The following MAGI2 variants were observed in gnomAD, a reference collection of about 807,000 sequenced individuals.
The protein encoded by MAGI2 is membrane associated guanylate kinase, WW and PDZ domain containing 2.
In MAGI2, 35 loss-of-function variants were observed where a neutral mutation model predicts 133.3. The ratio of observed to expected loss-of-function variants is 0.26; its 90% CI spans 0.20 to 0.35. The LOEUF is 0.35. Ranked by LOEUF, MAGI2 falls within the 10% of genes least tolerant of loss-of-function variation. The pLI, the probability that MAGI2 is intolerant of heterozygous loss-of-function variation, is 1.00. For synonymous variants in MAGI2, 729 were observed against 710.6 expected (o/e 1.03, Z -0.41); for missense variants, 1,636 against 1,863.4 (o/e 0.88, Z 2.25).
chr7:79,396,737 G>A (rs1291665410), intron 1 of MAGI2, among the ~76,000 whole-genome samples: 1 of 151,938 alleles, frequency 6.6e-6, no homozygotes, highest in Non-Finnish European at 1.5e-5. Flanking sequence ...GGCAGACTGT[G>A]GAATAAAAGA....
intron 6 of MAGI2, among the ~76,000 whole-genome samples, chr7:78,403,562 G>A (rs1029080519): frequency 1.3e-5 from 2 of 152,144 alleles, no homozygotes; most frequent in African/African-American, 2.4e-5. Flanking sequence ...CTAGATCCTT[G>A]AGGAATTGCC....
intron 10 of MAGI2, among the ~76,000 whole-genome samples, chr7:78,241,671 GCCTGTAATC>G (rs1001166640): frequency 2.0e-5 from 3 of 152,118 alleles, no homozygotes; most frequent in African/African-American, 7.2e-5. Context: ...AGTGGCTCAC[GCCTGTAATC>G]CCTACACTTT....
At chr7:78,077,771 C>G (rs76660797) in intron 21 of MAGI2, among the ~76,000 whole-genome samples, 1 of 129,184 alleles carries the variant, frequency 7.7e-6, no homozygotes, top group Non-Finnish European at 1.6e-5. Context: ...CTCTTGTTGC[C>G]CAGACTGGAG....
At chr7:78,176,092 T>C (rs1251721923) in intron 14 of MAGI2, among the ~76,000 whole-genome samples, 1 of 152,142 alleles carries the variant, frequency 6.6e-6, no homozygotes, top group Non-Finnish European at 1.5e-5. Context: ...TCCCTGGTAA[T>C]CTCAGAATCG....
chr7:78,339,459 AT>A lies in MAGI2; in HGVS notation c.1408+4318del, dbSNP rs539450567. ...AAAGATTTTCTATTCAAATATTTTT[AT>A]TTTGTCTTTTAAGTTTACACTGAAA... On this transcript the variant is annotated intron_variant, in intron 9 of 21. Coordinates refer to ENST00000354212, the MANE Select transcript of MAGI2 (RefSeq NM_012301.4). Among the ~76,000 whole-genome samples, 29 of 151,908 alleles carry A rather than the reference AT, an allele frequency of 1.9e-4. No homozygotes were observed. The South Asian group carries it at 6.0e-3, about 31-fold the overall frequency.
intron 15 of MAGI2, among the ~76,000 whole-genome samples, chr7:78,160,833 T>C (rs1176507358): frequency 6.6e-6 from 1 of 152,214 alleles, no homozygotes; most frequent in African/African-American, 2.4e-5. Context: ...GTGCCATCCA[T>C]GTAAAGTTAA....
chr7:78,024,017 T>A (rs1259744412), intron 21 of MAGI2, among the ~76,000 whole-genome samples: 1 of 152,230 alleles, frequency 6.6e-6, no homozygotes, highest in East Asian at 1.9e-4. Flanking sequence ...TATAAGGGAC[T>A]TGAGCATCTG....
rs563748871 is a variant in MAGI2, at chr7:78,606,905, A to C, written c.538+20215T>G. 1.9e-4 allele frequency among the ~76,000 whole-genome samples: 29 copies of C among 151,982 alleles called. No homozygotes were observed. The South Asian group carries it at 5.0e-3, about 26-fold the overall frequency. ...GGGCTGTTTCTTCCATCAAAAAAAG[A>C]CCTCCCAATTTCTAATTTTAAATGT... is the stretch of plus-strand genomic sequence containing the variant. On this transcript the variant is annotated intron_variant, in intron 3 of 21. Coordinates refer to ENST00000354212, the MANE Select transcript of MAGI2 (RefSeq NM_012301.4).
intron 2 of MAGI2, among the ~76,000 whole-genome samples, chr7:78,752,473 TG>T (rs112107294): frequency 0.041 from 6,202 of 152,074 alleles, 409 homozygotes; most frequent in African/African-American, 0.14. Flanking sequence ...CATGGTGGTG[TG>T]CACCTGTAAT....
In MAGI2 at chr7:78,447,269, G is replaced by A. The variant is rs540367052; in HGVS notation, c.1045+42492C>T. On this transcript the variant is annotated intron_variant, in intron 6 of 21. Coordinates refer to ENST00000354212, the MANE Select transcript of MAGI2 (RefSeq NM_012301.4). ...ATGTTTTGATATATGTATACATTGC[G>A]TAAAAACTAAATCTGGCATTTGGCA... Among the ~76,000 whole-genome samples the A allele has an allele frequency of 5.9e-5, 9 of 151,646 alleles. No homozygotes were observed. The East Asian group carries it at 7.8e-4, about 13-fold the overall frequency.
Position 78,603,028 on chromosome 7 carries a change from C to T in MAGI2, c.538+24092G>A, listed in dbSNP as rs187109403. Among the ~76,000 whole-genome samples the T allele has an allele frequency of 6.8e-4, 103 of 152,260 alleles. 1 individual carries two copies. The highest frequency in any genetic ancestry group is 1.9e-3 in the South Asian group (9 of 4,822). ...TAGCTCCCTGACTTTAAAAAGCAAG[C>T]TCCTTACACAATAAAAAAGCAATTC... On this transcript the variant is annotated intron_variant, in intron 3 of 21. Coordinates refer to ENST00000354212, the MANE Select transcript of MAGI2 (RefSeq NM_012301.4).
intron 7 of MAGI2, among the ~76,000 whole-genome samples, chr7:78,361,513 G>A (rs1290412326): frequency 6.6e-6 from 1 of 151,962 alleles, no homozygotes; most frequent in Admixed American, 6.6e-5. Context: ...GAGAGGAATG[G>A]TTCCTTTGCT....
intron 9 of MAGI2, among the ~76,000 whole-genome samples, chr7:78,266,390 T>C (rs916106163): frequency 6.6e-6 from 1 of 151,752 alleles, no homozygotes; most frequent in Non-Finnish European, 1.5e-5. Flanking sequence ...TTGGTAGAGA[T>C]GGGAGTTTTG....
intron 1 of MAGI2, among the ~76,000 whole-genome samples, chr7:79,081,418 G>T (rs749770786): frequency 2.0e-5 from 3 of 152,100 alleles, no homozygotes; most frequent in Non-Finnish European, 4.4e-5. Flanking sequence ...TTGCCAAAGT[G>T]TATGCTCCAT....
chr7:79,215,321 G>A (rs1023155526), intron 1 of MAGI2, among the ~76,000 whole-genome samples: 3 of 151,944 alleles, frequency 2.0e-5, no homozygotes, highest in South Asian at 2.1e-4. Flanking sequence ...AAATGGCCCC[G>A]CAAAACTGTC....
chr7:78,329,832 A>C (rs570531765), intron 9 of MAGI2, among the ~76,000 whole-genome samples: 1 of 152,352 alleles, frequency 6.6e-6, no homozygotes, highest in East Asian at 1.9e-4. Context: ...TTAGTGTCAG[A>C]TAATGCATAC....
chr7:79,196,340 C>T (rs1338709229), intron 1 of MAGI2, among the ~76,000 whole-genome samples: 1 of 151,850 alleles, frequency 6.6e-6, no homozygotes, highest in Non-Finnish European at 1.5e-5. Context: ...AACATGTACC[C>T]ACTTTTTGAA....
chr7:78,119,932 A>T (rs76995543), intron 20 of MAGI2, among the ~76,000 whole-genome samples: 226 of 152,324 alleles, frequency 1.5e-3, no homozygotes, highest in African/African-American at 5.2e-3. Flanking sequence ...TCAGTCTAAG[A>T]TATTTGCAGG....
chr7:79,186,917 T>G (rs999134685), intron 1 of MAGI2, among the ~76,000 whole-genome samples: 1 of 150,950 alleles, frequency 6.6e-6, no homozygotes, highest in Admixed American at 6.6e-5. Flanking sequence ...ATGATGCTCT[T>G]GAGGGCACTA....
Sources: gnomAD v4.1 joint callset for allele counts (sites outside exome capture counted in the v4.1 genomes callset) on GRCh38, gnomAD v4.1.1 for gene constraint, MANE v1.5 for transcripts, NCBI Gene and HGNC (gene_info 2026-07-23, HGNC 2026-07-21) for gene names.